The following NLRP13 variants were observed in gnomAD, a reference collection of about 807,000 sequenced individuals.
NLRP13 encodes NACHT, LRR and PYD domains-containing protein 13.
NLRP13 carries 82 observed loss-of-function variants against 94.4 expected under a neutral mutation model. The ratio of observed to expected loss-of-function variants is 0.87; its 90% CI spans 0.73 to 1.04. NLRP13 has a LOEUF of 1.04. Ranked by LOEUF, NLRP13 falls within the 50% of genes least tolerant of loss-of-function variation. NLRP13 has a pLI of 0.00. For missense variants in NLRP13, 1,426 were observed against 1,230.8 expected (o/e 1.16, Z -2.37); for synonymous variants, 553 against 464.7 (o/e 1.19, Z -2.45).
In NLRP13 at chr19:55,905,085, G is replaced by A. The variant is rs747467264; in HGVS notation, c.2475C>T (p.Ala825=). Residue 825 remains alanine, a synonymous_variant, in exon 8 of 11, where the codon GCC becomes GCT. Coordinates refer to ENST00000342929, the MANE Select transcript of NLRP13 (RefSeq NM_176810.2). ...GAAACAAGGCTAGGTCCTGACAGCT[G>A]GCTGCCGACAAGTTGCATTTCTCCA... ...LCLEKCNLSA[A]SCQDLALFLT... 1.9e-6 allele frequency: 3 copies of A among 1,613,682 alleles called. No homozygotes were observed. Among genetic ancestry groups the A allele is most frequent in the Admixed American group, 1.7e-5 (1 of 59,976 alleles).
downstream of NLRP13, among the ~76,000 whole-genome samples, chr19:55,895,566 C>G (rs1301312174): frequency 2.0e-5 from 3 of 152,008 alleles, no homozygotes; most frequent in Non-Finnish European, 4.4e-5. Context: ...GCCTGTAGCT[C>G]CAGCTACTCG....
chr19:55,911,439 G>A (rs535409907), intron 5 of NLRP13, among the ~76,000 whole-genome samples: 2 of 152,294 alleles, frequency 1.3e-5, no homozygotes, highest in African/African-American at 2.4e-5. Context: ...ACAAGTAGAT[G>A]TCTTAGCACA....
In NLRP13 at chr19:55,924,575, A is replaced by G. The variant is rs191058419; in HGVS notation, c.457+15T>C. ...TCAAGCAACCTGTCAATTATCAACC[A>G]AGTAATGTACACACCTGTTTCTTCT... On this transcript the variant is annotated intron_variant, in intron 3 of 10. Transcript: ENST00000342929. 473 of 1,599,196 alleles carry G rather than the reference A, an allele frequency of 3.0e-4. 1 individual carries two copies. The African/African-American group carries it at 3.9e-3, about 13-fold the overall frequency.
At chr19:55,892,398 C>CAT (rs1491499660), downstream of NLRP13, among the ~76,000 whole-genome samples, 1 of 151,448 alleles carries the variant, frequency 6.6e-6, no homozygotes, top group East Asian at 1.9e-4. Flanking sequence ...TACACACACA[C>CAT]ATATTCATAT....
chr19:55,911,177 G>A (rs1040819036), intron 5 of NLRP13, among the ~76,000 whole-genome samples: 1 of 152,206 alleles, frequency 6.6e-6, no homozygotes, highest in Non-Finnish European at 1.5e-5. Flanking sequence ...CTATGTTAGA[G>A]CCATGGTTCC....
chr19:55,900,094 TTAAC>T (rs1211354730), intron 9 of NLRP13, among the ~76,000 whole-genome samples: 2 of 152,138 alleles, frequency 1.3e-5, no homozygotes, highest in East Asian at 1.9e-4. Flanking sequence ...GATGGACACA[TTAAC>T]TAACTTAATT....
chr19:55,902,692 TAGA>T (rs1315193876), intron 8 of NLRP13, among the ~76,000 whole-genome samples: 1 of 152,132 alleles, frequency 6.6e-6, no homozygotes, highest in South Asian at 2.1e-4. Context: ...GTACAGGTTA[TAGA>T]AGATTATTAT....
chr19:55,922,829 G>A (rs907623703), intron 4 of NLRP13, among the ~76,000 whole-genome samples: 1 of 152,214 alleles, frequency 6.6e-6, no homozygotes, highest in South Asian at 2.1e-4. Context: ...ATGACAAGAA[G>A]TCAGTAGATA....
At chr19:55,897,348 A>G (rs1222512325) in intron 10 of NLRP13, among the ~76,000 whole-genome samples, 3 of 152,060 alleles carry the variant, frequency 2.0e-5, no homozygotes, top group African/African-American at 4.8e-5. Flanking sequence ...GTGAAACCTC[A>G]TTTCCATAAT....
At chr19:55,892,905 G>A (rs1985896937), downstream of NLRP13, among the ~76,000 whole-genome samples, 2 of 152,168 alleles carry the variant, frequency 1.3e-5, no homozygotes, top group African/African-American at 2.4e-5. Flanking sequence ...CATGGTGTAT[G>A]TGGACCACAT....
downstream of NLRP13, chr19:55,892,199 A>C (rs753901090): frequency 1.8e-6 from 2 of 1,084,760 alleles, no homozygotes; most frequent in Non-Finnish European, 2.3e-6. Flanking sequence ...GGTTCAGGGG[A>C]ACACGTACAG....
At chr19:55,924,904 G>A in intron 2 of NLRP13, 63 bp downstream of exon 2, 1 of 1,352,860 alleles carries the variant, frequency 7.4e-7, no homozygotes, top group Non-Finnish European at 1.1e-6. Flanking sequence ...AGCGGATGTG[G>A]ACCAGTGAAT....
chr19:55,931,030 G>A (rs1455343436), intron 1 of NLRP13, among the ~76,000 whole-genome samples: 4 of 150,808 alleles, frequency 2.7e-5, no homozygotes, highest in African/African-American at 9.9e-5. Flanking sequence ...AGCAGGTCTT[G>A]CAATGCCACA....
intron 5 of NLRP13, 72 bp downstream of exon 5, chr19:55,911,634 T>A (rs1225345193): frequency 7.2e-7 from 1 of 1,383,550 alleles, no homozygotes; most frequent in African/African-American, 1.5e-5. Context: ...TCCCTGGTTT[T>A]GCATGAAAGA....
downstream of NLRP13, among the ~76,000 whole-genome samples, chr19:55,893,107 G>A (rs143915277): frequency 1.1e-4 from 16 of 152,190 alleles, no homozygotes; most frequent in East Asian, 2.5e-3. Context: ...AAGTAATGGC[G>A]GCCAGGCATG....
Position 55,932,194 on chromosome 19 carries a change from G to A in NLRP13, c.118C>T (p.Gln40Ter). Residue 40 changes from glutamine (Q) to a stop codon, truncating the protein, a stop_gained, in exon 1 of 11, where the codon CAG (glutamine) becomes TAG (stop). Transcript: ENST00000342929. LOFTEE classifies it high-confidence loss of function. ...EEFKLCLEPQ[Q>*]LMDFWSAPQG... ...GGGGCCGACCAGAAGTCCATCAGCTGCTGGGGTTCCAAGCAAAGCTTGAAT... is the reference window on the plus strand; with the variant it reads ...GGGGCCGACCAGAAGTCCATCAGCTACTGGGGTTCCAAGCAAAGCTTGAAT... 2.5e-6 allele frequency: 4 copies of A among 1,614,026 alleles called. No individual in the cohort carries two copies. The highest frequency in any genetic ancestry group is 3.4e-6 in the Non-Finnish European group (4 of 1,179,960).
At chr19:55,930,898 A>ACACGTATATAT in intron 1 of NLRP13, among the ~76,000 whole-genome samples, 3 of 104,886 alleles carry the variant, frequency 2.9e-5, no homozygotes, top group Admixed American at 1.1e-4. Context: ...ATATATATAT[A>ACACGTATATAT]AAATTTTAAC....
At chr19:55,915,599 A>G (rs1348295296) in intron 4 of NLRP13, among the ~76,000 whole-genome samples, 2 of 152,182 alleles carry the variant, frequency 1.3e-5, no homozygotes, top group African/African-American at 4.8e-5. Flanking sequence ...CTCTGTCTCA[A>G]AAACAAACAA....
At chr19:55,921,943 A>G (rs183999201) in intron 4 of NLRP13, among the ~76,000 whole-genome samples, 1 of 152,360 alleles carries the variant, frequency 6.6e-6, no homozygotes, top group East Asian at 1.9e-4. Flanking sequence ...CACTGCTAGT[A>G]AAGACATACC....
Sources: gnomAD v4.1 joint callset for allele counts (sites outside exome capture counted in the v4.1 genomes callset) on GRCh38, gnomAD v4.1.1 for gene constraint, MANE v1.5 for transcripts, NCBI Gene and HGNC (gene_info 2026-07-23, HGNC 2026-07-21) for gene names.